Variants in PAH observed in about 807,000 individuals in gnomAD.
The protein encoded by PAH is phenylalanine hydroxylase.
Under a neutral mutation model 62.0 loss-of-function variants are expected in PAH, and 64 were observed. The ratio of observed to expected loss-of-function variants is 1.03; its 90% CI spans 0.84 to 1.27. The LOEUF is 1.27. PAH is among the 50% of genes most tolerant of loss of function. PAH has a pLI of 0.00. For synonymous variants in PAH, 195 were observed against 196.2 expected, an observed-to-expected ratio of 0.99 and a Z score of 0.05; for missense variants, 579 against 542.8, an observed-to-expected ratio of 1.07 and a Z score of -0.66.
intron 6 of PAH, among the ~76,000 whole-genome samples, chr12:102,854,380 C>A (rs1177853980): frequency 6.6e-6 from 1 of 152,158 alleles, no homozygotes; most frequent in Non-Finnish European, 1.5e-5. Context: ...TCAATATGTG[C>A]TAGTTCATTA....
chr12:102,871,403 G>A (rs1423116276), intron 4 of PAH, among the ~76,000 whole-genome samples: 1 of 151,950 alleles, frequency 6.6e-6, no homozygotes, highest in Non-Finnish European at 1.5e-5. Flanking sequence ...CCTCTGAGTG[G>A]GACCCTCTTC....
At chr12:102,842,619 G>C (rs1419008695) in intron 11 of PAH, among the ~76,000 whole-genome samples, 2 of 152,136 alleles carry the variant, frequency 1.3e-5, no homozygotes, top group Non-Finnish European at 2.9e-5. Flanking sequence ...AGGGGTCTGG[G>C]GGGGATGGAA....
chr12:102,859,708 A>G (rs865918972), intron 5 of PAH, among the ~76,000 whole-genome samples: 6 of 152,208 alleles, frequency 3.9e-5, no homozygotes, highest in Middle Eastern at 3.2e-3. Flanking sequence ...TATAAACAGA[A>G]CCAAAGACAA....
chr12:102,864,411 G>A (rs1191118781), intron 5 of PAH, among the ~76,000 whole-genome samples: 2 of 152,102 alleles, frequency 1.3e-5, no homozygotes, highest in African/African-American at 4.8e-5. Context: ...CAGTTATTGG[G>A]GCTGCTCATC....
intron 1 of PAH, among the ~76,000 whole-genome samples, chr12:102,939,295 T>C (rs558710523): frequency 3.2e-4 from 48 of 152,220 alleles, no homozygotes; most frequent in African/African-American, 7.7e-4. Context: ...CTGAGTGCTT[T>C]ACTCACATTT....
chr12:102,909,820 A>C (rs1409739808), intron 2 of PAH, among the ~76,000 whole-genome samples: 1 of 152,104 alleles, frequency 6.6e-6, no homozygotes, highest in Non-Finnish European at 1.5e-5. Context: ...TTAGCTGGGC[A>C]TGGTGGCATG....
At chr12:102,880,801 TGAA>T (rs1353621410) in intron 3 of PAH, among the ~76,000 whole-genome samples, 1 of 152,102 alleles carries the variant, frequency 6.6e-6, no homozygotes, top group Non-Finnish European at 1.5e-5. Flanking sequence ...AGGAAATTCT[TGAA>T]GAAGAAGAAT....
intron 12 of PAH, among the ~76,000 whole-genome samples, 187 bp from the exon 13 acceptor site, chr12:102,839,405 C>T (rs1276997048): frequency 6.6e-6 from 1 of 152,236 alleles, no homozygotes; most frequent in Non-Finnish European, 1.5e-5. Flanking sequence ...ATGCCAGAGC[C>T]ATTAATGTAA....
chr12:102,915,806 T>C (rs1238529310), intron 1 of PAH, among the ~76,000 whole-genome samples: 1 of 147,156 alleles, frequency 6.8e-6, no homozygotes, highest in African/African-American at 2.6e-5. Context: ...GAACCATTGA[T>C]ATATATACAG....
chr12:102,911,977 C>G (rs554475426), intron 2 of PAH, among the ~76,000 whole-genome samples: 1 of 152,176 alleles, frequency 6.6e-6, no homozygotes, highest in African/African-American at 2.4e-5. Context: ...GCTGAGGAAA[C>G]CTATTTGGAG....
At chr12:102,951,151 C>G (rs1392785134), upstream of PAH, among the ~76,000 whole-genome samples, 2 of 152,162 alleles carry the variant, frequency 1.3e-5, no homozygotes, top group Admixed American at 6.5e-5. Context: ...TTAGCATGAG[C>G]TGTGGCTAAC....
intron 1 of PAH, among the ~76,000 whole-genome samples, chr12:102,930,210 C>G (rs903529902): frequency 6.6e-6 from 1 of 152,172 alleles, no homozygotes; most frequent in East Asian, 1.9e-4. Flanking sequence ...TTATTTCTGC[C>G]ATTCATTCAT....
At chr12:102,908,272 C>G (rs143469571) in intron 2 of PAH, among the ~76,000 whole-genome samples, 220 of 151,396 alleles carry the variant, frequency 1.5e-3, no homozygotes, top group African/African-American at 5.2e-3. Context: ...TGAGTGCATT[C>G]CATCCAATTC....
intron 3 of PAH, among the ~76,000 whole-genome samples, chr12:102,889,250 G>C (rs1280217308): frequency 6.6e-6 from 1 of 152,140 alleles, no homozygotes; most frequent in South Asian, 2.1e-4. Flanking sequence ...CAATTGATCT[G>C]AAATGTCAGC....
chr12:102,937,188 T>A (rs1368754325), intron 1 of PAH, among the ~76,000 whole-genome samples: 1 of 152,244 alleles, frequency 6.6e-6, no homozygotes, highest in Admixed American at 6.5e-5. Context: ...TTACTCAGTC[T>A]CAAGCTTGTC....
intron 1 of PAH, chr12:102,914,326 T>C (rs1439957353): frequency 1.3e-5 from 2 of 153,238 alleles, no homozygotes; most frequent in African/African-American, 4.8e-5. Context: ...CTGGGTATTA[T>C]AATAAGCACT....
intron 2 of PAH, among the ~76,000 whole-genome samples, chr12:102,901,489 A>T (rs1192772342): frequency 6.6e-6 from 1 of 152,174 alleles, no homozygotes; most frequent in East Asian, 1.9e-4. Context: ...CTGCCTCCTC[A>T]ACTTGGTATA....
intron 1 of PAH, among the ~76,000 whole-genome samples, chr12:102,924,625 A>G (rs535934558): frequency 3.3e-5 from 5 of 152,284 alleles, no homozygotes; most frequent in African/African-American, 9.6e-5. Flanking sequence ...AAAGTCTTCA[A>G]CCTCTCACCA....
intron 2 of PAH, among the ~76,000 whole-genome samples, chr12:102,908,549 C>T (rs577730567): frequency 6.6e-6 from 1 of 152,220 alleles, no homozygotes; most frequent in East Asian, 1.9e-4. Flanking sequence ...ATTCTCCTCC[C>T]CCAGGTTTAA....
Sources: gnomAD v4.1 joint callset for allele counts (sites outside exome capture counted in the v4.1 genomes callset) on GRCh38, gnomAD v4.1.1 for gene constraint, MANE v1.5 for transcripts, NCBI Gene and HGNC (gene_info 2026-07-23, HGNC 2026-07-21) for gene names.